Variants in CDYL observed in about 807,000 individuals in gnomAD.
CDYL encodes chromodomain Y-like protein.
In CDYL, 8 loss-of-function variants were observed where a neutral mutation model predicts 47.3. The ratio of observed to expected loss-of-function variants is 0.17; its 90% confidence interval spans 0.10 to 0.31. The LOEUF is 0.31. Among genes scored for constraint, CDYL ranks in the 10% least tolerant of loss-of-function variants. The probability of loss-of-function intolerance (pLI) is 1.00; values close to 1 mark genes in which losing one functional copy is unlikely to be tolerated. For missense variants in CDYL, 471 were observed against 701.4 expected, an observed-to-expected ratio of 0.67 and a Z score of 3.71; for synonymous variants, 266 against 265.0, an observed-to-expected ratio of 1.00 and a Z score of -0.04.
At chr6:4,794,961 GT>G (rs138586763) in intron 1 of CDYL, among the ~76,000 whole-genome samples, 3 of 149,396 alleles carry the variant, frequency 2.0e-5, no homozygotes, top group Admixed American at 6.7e-5. Context: ...AATAGGGATA[GT>G]TTTTTTTTTC....
At chr6:4,854,510 G>A (rs1760947840) in intron 1 of CDYL, among the ~76,000 whole-genome samples, 1 of 152,196 alleles carries the variant, frequency 6.6e-6, no homozygotes, top group African/African-American at 2.4e-5. Flanking sequence ...GGAGCTCTGT[G>A]TGTGTTTCTT....
At chr6:4,840,731 C>T (rs1760462409) in intron 1 of CDYL, among the ~76,000 whole-genome samples, 1 of 152,158 alleles carries the variant, frequency 6.6e-6, no homozygotes, top group African/African-American at 2.4e-5. Context: ...TCCCTGCATC[C>T]TGATATGAAA....
intron 1 of CDYL, among the ~76,000 whole-genome samples, chr6:4,707,327 G>C (rs1561816099): frequency 6.6e-6 from 1 of 152,168 alleles, no homozygotes. Context: ...CCAGGCTGGA[G>C]TGCAGTGGCG....
rs1441757735 is a variant in CDYL, at chr6:4,943,605, C to G, written c.1181C>G (p.Pro394Arg). 6.2e-7 allele frequency: 1 copy of G among 1,613,062 alleles called. No individual in the cohort carries two copies. ...KKPIIVAVNG[P>R]AIGLGASILP... ...CCCATTATTGTAGCAGTCAATGGCC[C>G]AGCCATTGGTCTAGGAGCATCTATA... The change falls in exon 5 of 7, where the codon CCA becomes CGA. Residue 394 changes from proline (P) to arginine (R), a missense_variant. Pro to Arg is a moderately radical substitution (Grantham distance 103). Transcript: ENST00000397588.
intron 4 of CDYL, among the ~76,000 whole-genome samples, chr6:4,939,886 G>T (rs7770440): frequency 0.012 from 1,876 of 152,270 alleles, 32 homozygotes; most frequent in African/African-American, 0.043. Context: ...TAGCTCTGCG[G>T]TCATAAGAAA....
intron 1 of CDYL, among the ~76,000 whole-genome samples, chr6:4,797,756 G>A (rs1449769271): frequency 3.9e-5 from 6 of 152,036 alleles, no homozygotes; most frequent in South Asian, 2.1e-4. Flanking sequence ...AGAATGTATC[G>A]GTGACTCATT....
At chr6:4,720,691 G>C (rs1287378136) in intron 2 of CDYL, among the ~76,000 whole-genome samples, 3 of 152,186 alleles carry the variant, frequency 2.0e-5, no homozygotes, top group Non-Finnish European at 2.9e-5. Context: ...AGCAGAAGTA[G>C]ATCAAGAAAA....
chr6:4,933,904 A>G (rs886067056), intron 2 of CDYL, among the ~76,000 whole-genome samples: 1 of 152,236 alleles, frequency 6.6e-6, no homozygotes, highest in Admixed American at 6.5e-5. Context: ...AAAATGAATT[A>G]CAGTGCATCC....
At chr6:4,949,855 G>A (rs55909741) in intron 5 of CDYL, among the ~76,000 whole-genome samples, 5,804 of 152,282 alleles carry the variant, frequency 0.038, 369 homozygotes, top group African/African-American at 0.13. Context: ...CTCACTGGCC[G>A]TGTTTAAGTG....
At chr6:4,880,472 A>G (rs1179527543) in intron 1 of CDYL, among the ~76,000 whole-genome samples, 3 of 152,196 alleles carry the variant, frequency 2.0e-5, no homozygotes, top group South Asian at 2.1e-4. Flanking sequence ...AGTTTTGGCT[A>G]TTATGAGTAA....
Position 4,859,751 on chromosome 6 carries a change from G to A in CDYL, c.25-31962G>A, listed in dbSNP as rs573219748. On this transcript the variant is annotated intron_variant, in intron 1 of 6. Coordinates refer to ENST00000397588, the MANE Select transcript of CDYL (RefSeq NM_004824.4). Reference sequence around the variant, plus strand: ...GGTGAATAAGGGCATCTGTTTGCCAGCACCAGCTCTCCTGGCTCCCTGTGC... The same window carrying A: ...GGTGAATAAGGGCATCTGTTTGCCAACACCAGCTCTCCTGGCTCCCTGTGC... 4.6e-5 allele frequency among the ~76,000 whole-genome samples: 7 copies of A among 152,250 alleles called. No individual in the cohort carries two copies. In the South Asian group the frequency reaches 1.2e-3, roughly 27 times the overall value.
intron 2 of CDYL, among the ~76,000 whole-genome samples, chr6:4,924,186 A>T (rs1436204232): frequency 1.3e-5 from 2 of 152,200 alleles, no homozygotes; most frequent in African/African-American, 4.8e-5. Flanking sequence ...ATCTCAAAAT[A>T]GTTATTTTTC....
chr6:4,895,955 T>C (rs1205296128), intron 2 of CDYL, among the ~76,000 whole-genome samples: 4 of 152,050 alleles, frequency 2.6e-5, no homozygotes, highest in Non-Finnish European at 5.9e-5. Flanking sequence ...TTGTGCGGAG[T>C]TGGGAGGTTG....
At chr6:4,836,195 G>A (rs575989527) in intron 1 of CDYL, 29 of 650,328 alleles carry the variant, frequency 4.5e-5, no homozygotes, top group African/African-American at 3.2e-4. Context: ...GCTGTAGACC[G>A]GAGCTGTTCC....
chr6:4,864,843 C>T (rs951524534), intron 1 of CDYL, among the ~76,000 whole-genome samples: 8 of 150,518 alleles, frequency 5.3e-5, no homozygotes, highest in African/African-American at 7.5e-5. Context: ...TTATCAGCAA[C>T]GTGAAAATGA....
chr6:4,891,674 T>C (rs977467313), intron 1 of CDYL, 39 bp from the exon 2 acceptor site: 2 of 1,520,234 alleles, frequency 1.3e-6, no homozygotes, highest in African/African-American at 1.4e-5. Flanking sequence ...CCCCCAAATT[T>C]TGATTTTTTT....
chr6:4,908,310 G>C (rs1305619778), intron 2 of CDYL, among the ~76,000 whole-genome samples: 1 of 152,172 alleles, frequency 6.6e-6, no homozygotes, highest in Non-Finnish European at 1.5e-5. Flanking sequence ...GGCCATCCAG[G>C]CCGTGTAGAT....
intron 1 of CDYL, among the ~76,000 whole-genome samples, chr6:4,813,818 G>A (rs1048889255): frequency 2.6e-5 from 4 of 151,974 alleles, no homozygotes; most frequent in Admixed American, 1.3e-4. Flanking sequence ...TGTAGCCCAG[G>A]CTGGAAGTGC....
chr6:4,806,987 G>T (rs912529903), intron 1 of CDYL, among the ~76,000 whole-genome samples: 1 of 152,204 alleles, frequency 6.6e-6, no homozygotes, highest in African/African-American at 2.4e-5. Flanking sequence ...TTCCCTCAGA[G>T]GCTTGTGGAT....
Sources: allele counts gnomAD v4.1 joint callset (sites outside exome capture counted in the v4.1 genomes callset), GRCh38; gene constraint gnomAD v4.1.1; transcripts MANE v1.5; gene names NCBI Gene and HGNC (gene_info 2026-07-23, HGNC 2026-07-21).